Variants in PPP1R9A observed in about 807,000 individuals in gnomAD.
PPP1R9A encodes protein phosphatase 1 regulatory subunit 9A.
A neutral mutation model predicts 141.9 loss-of-function variants in PPP1R9A; 59 were observed. The ratio of observed to expected loss-of-function variants is 0.42; its 90% CI spans 0.34 to 0.52. PPP1R9A has a LOEUF of 0.52. PPP1R9A is among the 20% of genes least tolerant of loss of function. The probability of loss-of-function intolerance (pLI) is 0.10; values close to 1 mark genes in which losing one functional copy is unlikely to be tolerated. For missense variants in PPP1R9A, 1,444 were observed against 1,611.9 expected, an observed-to-expected ratio of 0.90 and a Z score of 1.78; for synonymous variants, 500 against 569.7, an observed-to-expected ratio of 0.88 and a Z score of 1.74.
At chr7:94,937,049 T>G (rs533352604) in intron 2 of PPP1R9A, among the ~76,000 whole-genome samples, 1 of 152,264 alleles carries the variant, frequency 6.6e-6, no homozygotes, top group East Asian at 1.9e-4. Context: ...TTTTAATAGC[T>G]CCGTAGTATA....
intron 1 of PPP1R9A, among the ~76,000 whole-genome samples, chr7:94,908,870 C>G (rs532710039): frequency 1.3e-5 from 2 of 152,164 alleles, no homozygotes; most frequent in Admixed American, 6.5e-5. Context: ...GGCCAGGAGC[C>G]GAGTTTGGAG....
chr7:95,196,941 A>T (rs1469849243), intron 5 of PPP1R9A, among the ~76,000 whole-genome samples: 7 of 152,202 alleles, frequency 4.6e-5, no homozygotes, highest in Non-Finnish European at 1.0e-4. Context: ...GGTAGTATTT[A>T]TAAATTCTAT....
At chr7:95,089,434 A>G (rs1052339328) in intron 2 of PPP1R9A, among the ~76,000 whole-genome samples, 4 of 152,098 alleles carry the variant, frequency 2.6e-5, no homozygotes, top group Non-Finnish European at 5.9e-5. Context: ...TTTTTCTAAC[A>G]TAAGCTTTGA....
At chr7:95,023,754 G>A (rs912434118) in intron 2 of PPP1R9A, among the ~76,000 whole-genome samples, 3 of 152,070 alleles carry the variant, frequency 2.0e-5, no homozygotes, top group Admixed American at 6.6e-5. Context: ...GAGTTTCACC[G>A]TGTTAGCCAG....
chr7:95,145,659 A>G (rs970203439), intron 4 of PPP1R9A, among the ~76,000 whole-genome samples: 6 of 151,904 alleles, frequency 3.9e-5, no homozygotes, highest in Non-Finnish European at 7.4e-5. Flanking sequence ...CTGTAATCTC[A>G]CTGCTGTCAG....
At chr7:95,131,463 C>T (rs1025920878) in intron 4 of PPP1R9A, among the ~76,000 whole-genome samples, 2 of 152,108 alleles carry the variant, frequency 1.3e-5, no homozygotes, top group Non-Finnish European at 2.9e-5. Context: ...TTTCTGGGTT[C>T]TCTATTCTGT....
intron 2 of PPP1R9A, among the ~76,000 whole-genome samples, chr7:95,071,977 A>G (rs1000384229): frequency 6.6e-6 from 1 of 151,604 alleles, no homozygotes; most frequent in East Asian, 1.9e-4. Context: ...AGCCCATTTT[A>G]TTAAATATTG....
chr7:94,918,510 A>G (rs182621996), intron 2 of PPP1R9A, among the ~76,000 whole-genome samples: 1 of 152,162 alleles, frequency 6.6e-6, no homozygotes, highest in East Asian at 1.9e-4. Context: ...TCAGGTAACA[A>G]AGTTCACCAC....
intron 2 of PPP1R9A, among the ~76,000 whole-genome samples, chr7:94,996,199 A>C (rs1802150224): frequency 6.6e-6 from 1 of 152,190 alleles, no homozygotes; most frequent in South Asian, 2.1e-4. Context: ...ACCTAAATAG[A>C]TAGCTGAAAC....
chr7:95,038,023 GA>G lies in PPP1R9A; in HGVS notation c.1396-73235del, dbSNP rs1280119021. The stretch of plus-strand genomic sequence containing the variant: ...GCTACTCAGAAGGCTGAGGTAGGAA[GA>G]TTGCTTGAGCCCAGGAGTTTGAGGC... On this transcript the variant is annotated intron_variant, in intron 2 of 19. Transcript: ENST00000433360. Among the ~76,000 whole-genome samples the G allele has an allele frequency of 2.0e-5, 3 of 151,620 alleles. No individual in the cohort carries two copies. The East Asian group carries it at 5.8e-4, about 30-fold the overall frequency.
chr7:95,056,341 G>A (rs1300703999), intron 2 of PPP1R9A, among the ~76,000 whole-genome samples: 2 of 152,144 alleles, frequency 1.3e-5, no homozygotes, highest in Non-Finnish European at 2.9e-5. Flanking sequence ...TAGGATTTAT[G>A]TGGTATTCAC....
At chr7:95,181,144 G>A (rs1266033708) in intron 5 of PPP1R9A, among the ~76,000 whole-genome samples, 1 of 147,832 alleles carries the variant, frequency 6.8e-6, no homozygotes, top group Non-Finnish European at 1.5e-5. Flanking sequence ...CAATCAAAGA[G>A]TCGATATAGA....
chr7:95,177,792 A>G (rs1392706352), intron 5 of PPP1R9A, among the ~76,000 whole-genome samples: 2 of 152,182 alleles, frequency 1.3e-5, no homozygotes, highest in African/African-American at 2.4e-5. Context: ...ACATTATATA[A>G]TGGTAAAAGG....
At chr7:95,072,814 TAATAA>T (rs1210516598) in intron 2 of PPP1R9A, among the ~76,000 whole-genome samples, 1 of 69,876 alleles carries the variant, frequency 1.4e-5, no homozygotes, top group East Asian at 2.7e-4. Flanking sequence ...TTATTATATA[TAATAA>T]TTATTATATA....
intron 12 of PPP1R9A, among the ~76,000 whole-genome samples, chr7:95,253,484 T>C (rs1361707387): frequency 6.6e-6 from 1 of 152,206 alleles, no homozygotes; most frequent in Non-Finnish European, 1.5e-5. Flanking sequence ...ATCCTTCTAA[T>C]GGGTTTTCCC....
intron 2 of PPP1R9A, among the ~76,000 whole-genome samples, chr7:95,075,213 C>T (rs1245650936): frequency 6.6e-6 from 1 of 151,982 alleles, no homozygotes; most frequent in Middle Eastern, 3.2e-3. Flanking sequence ...TTTGTTATTG[C>T]TTCTGAGTAT....
chr7:94,945,266 A>G (rs974864750), intron 2 of PPP1R9A, among the ~76,000 whole-genome samples: 2 of 152,086 alleles, frequency 1.3e-5, no homozygotes, highest in Non-Finnish European at 1.5e-5. Context: ...GAGGGTGATT[A>G]TACCTTCTTA....
chr7:95,127,683 T>G (rs2152511353), intron 4 of PPP1R9A, among the ~76,000 whole-genome samples: 1 of 152,224 alleles, frequency 6.6e-6, no homozygotes, highest in African/African-American at 2.4e-5. Context: ...CTCTCCCCTC[T>G]ATTAGTTCCC....
intron 2 of PPP1R9A, among the ~76,000 whole-genome samples, chr7:94,915,827 C>T (rs1242102239): frequency 6.6e-6 from 1 of 152,132 alleles, no homozygotes; most frequent in Non-Finnish European, 1.5e-5. Flanking sequence ...CGATGATACA[C>T]ACTTGTTCTG....
Sources: allele counts gnomAD v4.1 joint callset (sites outside exome capture counted in the v4.1 genomes callset), GRCh38; gene constraint gnomAD v4.1.1; transcripts MANE v1.5; gene names NCBI Gene and HGNC (gene_info 2026-07-23, HGNC 2026-07-21).